Variants in CACNA1C observed in about 807,000 individuals in gnomAD.
The protein encoded by CACNA1C is voltage-dependent L-type calcium channel subunit alpha-1C.
Under a neutral mutation model 229.0 loss-of-function variants are expected in CACNA1C, and 30 were observed. The observed-to-expected ratio is 0.13, with a 90% CI of 0.10 to 0.18. The LOEUF is 0.18. CACNA1C is among the 10% of genes least tolerant of loss of function. CACNA1C has a pLI of 1.00. For synonymous variants in CACNA1C, 1,114 were observed against 1,132.5 expected, an observed-to-expected ratio of 0.98 and a Z score of 0.33; for missense variants, 1,658 against 2,845.0, an observed-to-expected ratio of 0.58 and a Z score of 9.49.
intron 10 of CACNA1C, among the ~76,000 whole-genome samples, chr12:2,555,760 A>T (rs763537662): frequency 6.6e-6 from 1 of 152,208 alleles, no homozygotes; most frequent in African/African-American, 2.4e-5. Flanking sequence ...AGATGTAATT[A>T]TCTCATGCAC....
In CACNA1C at chr12:2,149,678, G is replaced by A. The variant is rs1331596573; in HGVS notation, c.477+29248G>A. On this transcript the variant is annotated intron_variant, in intron 3 of 46. Transcript: ENST00000399655. Reference sequence around the variant, plus strand: ...GAGACAATGACCTGAAATGCAGGGCGAGAGAAATTTCTTTCAGTTTTAGGC... The same window carrying A: ...GAGACAATGACCTGAAATGCAGGGCAAGAGAAATTTCTTTCAGTTTTAGGC... Among the ~76,000 whole-genome samples, 9 of 152,300 alleles carry A rather than the reference G, an allele frequency of 5.9e-5. No homozygotes were observed. In the East Asian group the frequency reaches 1.7e-3, roughly 29 times the overall value.
chr12:2,361,261 G>A (rs892526173), intron 3 of CACNA1C, among the ~76,000 whole-genome samples: 1 of 151,836 alleles, frequency 6.6e-6, no homozygotes, highest in South Asian at 2.1e-4. Context: ...ATAATGAAAT[G>A]TTAGTATAAG....
intron 3 of CACNA1C, among the ~76,000 whole-genome samples, chr12:2,372,976 A>G (rs913723760): frequency 2.0e-5 from 3 of 152,214 alleles, no homozygotes; most frequent in Non-Finnish European, 4.4e-5. Flanking sequence ...CACCATCCAA[A>G]GGAATGCACG....
intron 30 of CACNA1C, among the ~76,000 whole-genome samples, chr12:2,643,977 G>A (rs570631519): frequency 3.3e-5 from 5 of 152,292 alleles, no homozygotes; most frequent in Admixed American, 2.0e-4. Flanking sequence ...GCGGAGAAGC[G>A]GAGCATGGGG....
intron 3 of CACNA1C, among the ~76,000 whole-genome samples, chr12:2,352,922 C>T (rs957325871): frequency 6.6e-6 from 1 of 152,212 alleles, no homozygotes; most frequent in Non-Finnish European, 1.5e-5. Context: ...CCAAATCAGA[C>T]TCTGCAAGAC....
chr12:2,597,809 G>A lies in CACNA1C; in HGVS notation c.2853+520G>A, dbSNP rs542398992. ...GGTTGGGGCTGCAGCCGTCAGCAGC[G>A]CCAGACATACATGCCCACATGCACC... On this transcript the variant is annotated intron_variant, in intron 21 of 46. Coordinates refer to ENST00000399655, the MANE Select transcript of CACNA1C (RefSeq NM_000719.7). The surrounding 1 kb of genome is among the most constrained non-coding windows in gnomAD (Gnocchi z 4.3). Among the ~76,000 whole-genome samples the A allele has an allele frequency of 2.6e-5, 4 of 152,276 alleles. No homozygotes were observed. Among genetic ancestry groups the A allele is most frequent in the South Asian group, 2.1e-4 (1 of 4,830 alleles).
Position 2,053,397 on chromosome 12 carries a change from A to C in CACNA1C, c.-166A>C. On this transcript the variant is annotated 5_prime_UTR_variant, in exon 1 of 47. Transcript: ENST00000399655. This position sits in a 1 kb window ranked among gnomAD's most constrained non-coding sequence, Gnocchi z 5.8. ...GGGGTTTGATGCCATAATGGGAATC[A>C]GGTAATCGTCGGCGGGGAAGAAGAA... The C allele has an allele frequency of 7.1e-7, 1 of 1,404,698 alleles. No homozygotes were observed. Among genetic ancestry groups the C allele is most frequent in the South Asian group, 1.7e-5 (1 of 60,358 alleles). The allele number at this position is 1,404,698 out of a possible 1,614,324, so 87.0% of individuals were successfully genotyped here.
chr12:2,255,810 T>C (rs2077303107), intron 3 of CACNA1C, among the ~76,000 whole-genome samples: 1 of 152,304 alleles, frequency 6.6e-6, no homozygotes, highest in African/African-American at 2.4e-5. Context: ...CTTACTAGTT[T>C]ACAATCACAC....
chr12:1,983,202 G>T (rs1593051205), intron 1 of CACNA1C, among the ~76,000 whole-genome samples: 2 of 148,496 alleles, frequency 1.3e-5, no homozygotes, highest in East Asian at 2.0e-4. Context: ...TCAGGTTTTG[G>T]TTTCACTAAT....
intron 3 of CACNA1C, among the ~76,000 whole-genome samples, chr12:2,207,284 T>C (rs547863085): frequency 2.6e-5 from 4 of 152,342 alleles, no homozygotes; most frequent in Non-Finnish European, 5.9e-5. Context: ...GTCATTTGTT[T>C]GGCCCCTCCA....
intron 3 of CACNA1C, among the ~76,000 whole-genome samples, chr12:2,185,822 G>A (rs2096981488): frequency 6.6e-6 from 1 of 152,164 alleles, no homozygotes; most frequent in Non-Finnish European, 1.5e-5. Flanking sequence ...GCCTGGGAGT[G>A]TCACTCACCC....
chr12:2,126,197 T>A (rs2089981836), intron 3 of CACNA1C, among the ~76,000 whole-genome samples: 1 of 152,232 alleles, frequency 6.6e-6, no homozygotes, highest in Non-Finnish European at 1.5e-5. Context: ...AACATACACT[T>A]TTGCACCAAA....
intron 3 of CACNA1C, among the ~76,000 whole-genome samples, chr12:2,423,857 G>A (rs1567600955): frequency 6.6e-6 from 1 of 152,188 alleles, no homozygotes; most frequent in Non-Finnish European, 1.5e-5. Flanking sequence ...CTGGGGAGCT[G>A]AAATTCTCCC....
At chr12:2,340,612 C>T (rs1170907332) in intron 3 of CACNA1C, among the ~76,000 whole-genome samples, 12 of 152,186 alleles carry the variant, frequency 7.9e-5, no homozygotes, top group Admixed American at 7.9e-4. Flanking sequence ...CGGAGGGTCC[C>T]TGGAAATGTA....
chr12:2,093,042 C>CAGAG (rs1244996584), intron 1 of CACNA1C, among the ~76,000 whole-genome samples: 1 of 152,236 alleles, frequency 6.6e-6, no homozygotes, highest in Non-Finnish European at 1.5e-5. Context: ...CGCACTCTGG[C>CAGAG]AGAGGCCAGT....
At chr12:2,383,822 A>T (rs1385255715) in intron 3 of CACNA1C, among the ~76,000 whole-genome samples, 1 of 152,232 alleles carries the variant, frequency 6.6e-6, no homozygotes, top group African/African-American at 2.4e-5. Context: ...GCAGAAGAAG[A>T]GGCCAGGGCC....
intron 7 of CACNA1C, among the ~76,000 whole-genome samples, chr12:2,501,308 A>G (rs1253230612): frequency 6.6e-6 from 1 of 151,524 alleles, no homozygotes; most frequent in Non-Finnish European, 1.5e-5. Context: ...ACTCTGAGAG[A>G]GGAAAAGCTA....
chr12:2,287,275 T>C lies in CACNA1C; in HGVS notation c.478-161701T>C, dbSNP rs2092820266. ...CCAAGGGGAGGGATCGGGCAAGTAT[T>C]GAGTCATTCCTGCTCGTCTGGATTG... On this transcript the variant is annotated intron_variant, in intron 3 of 46. Transcript: ENST00000399655. The surrounding 1 kb of genome is among the most constrained non-coding windows in gnomAD (Gnocchi z 4.6). Among the ~76,000 whole-genome samples, 1 of 152,206 alleles carries C rather than the reference T, an allele frequency of 6.6e-6. No individual in the cohort carries two copies. The highest frequency in any genetic ancestry group is 1.5e-5 in the Non-Finnish European group (1 of 68,036).
chr12:2,053,649 C>T lies in CACNA1C; in HGVS notation c.49+38C>T, dbSNP rs1272124906. Reference sequence around the variant, plus strand: ...CCCGCCGCCTCGCCGGGGCTCCCTGCCTTTTCCACCGGGTTCCTGCCCTAC... The same window carrying T: ...CCCGCCGCCTCGCCGGGGCTCCCTGTCTTTTCCACCGGGTTCCTGCCCTAC... On this transcript the variant is annotated intron_variant, in intron 1 of 46. Coordinates refer to ENST00000399655, the MANE Select transcript of CACNA1C (RefSeq NM_000719.7). The surrounding 1 kb of genome is among the most constrained non-coding windows in gnomAD (Gnocchi z 5.8). 1.9e-6 allele frequency: 3 copies of T among 1,542,822 alleles called. No individual in the cohort carries two copies. Among genetic ancestry groups the T allele is most frequent in the Admixed American group, 1.9e-5 (1 of 51,786 alleles).
Sources: gnomAD v4.1 joint callset for allele counts (sites outside exome capture counted in the v4.1 genomes callset) on GRCh38, gnomAD v4.1.1 for gene constraint, Gnocchi (gnomAD v3.1) non-coding constraint, MANE v1.5 for transcripts, NCBI Gene and HGNC (gene_info 2026-07-23, HGNC 2026-07-21) for gene names.